The following PDE6A variants were observed in gnomAD, a reference collection of about 807,000 sequenced individuals.
PDE6A encodes the protein rod cGMP-specific 3',5'-cyclic phosphodiesterase subunit alpha.
A neutral mutation model predicts 106.3 loss-of-function variants in PDE6A; 84 were observed. The ratio of observed to expected loss-of-function variants is 0.79; its 90% CI spans 0.66 to 0.95. The LOEUF (loss-of-function observed/expected upper bound fraction) is 0.95. PDE6A is among the 40% of genes least tolerant of loss of function. The pLI, the probability that PDE6A is intolerant of heterozygous loss-of-function variation, is 0.00. For missense variants in PDE6A, 1,052 were observed against 1,084.9 expected, an observed-to-expected ratio of 0.97 and a Z score of 0.43; for synonymous variants, 394 against 386.6, an observed-to-expected ratio of 1.02 and a Z score of -0.23.
intron 8 of PDE6A, among the ~76,000 whole-genome samples, chr5:149,903,086 C>T (rs1052202318): frequency 1.5e-5 from 2 of 137,492 alleles, no homozygotes; most frequent in African/African-American, 5.4e-5. Context: ...GAGGTTGAGG[C>T]TGCAATGAGC....
At chr5:149,871,293 G>A (rs1457706645) in intron 17 of PDE6A, among the ~76,000 whole-genome samples, 1 of 152,206 alleles carries the variant, frequency 6.6e-6, no homozygotes, top group Non-Finnish European at 1.5e-5. Flanking sequence ...TGCTCTCAGA[G>A]ATCTTGCAGA....
intron 17 of PDE6A, among the ~76,000 whole-genome samples, chr5:149,881,548 A>G (rs1382284782): frequency 6.6e-6 from 1 of 152,176 alleles, no homozygotes; most frequent in African/African-American, 2.4e-5. Context: ...TAAACATTAC[A>G]TATACATGGA....
In PDE6A at chr5:149,884,791, G is replaced by T; in HGVS notation, c.1915C>A (p.Leu639Ile). The change falls in exon 15 of 22, where the codon CTC (leucine) becomes ATC (isoleucine). Residue 639 changes from leucine (L) to isoleucine (I), a missense_variant. Physicochemically the swap from Leu to Ile is conservative, Grantham distance 5. Around this residue, in one of 3 missense-constraint regions of PDE6A, gnomAD observed 913 missense variants for 915.2 expected, o/e 1.00. Coordinates refer to ENST00000255266, the MANE Select transcript of PDE6A (RefSeq NM_000440.3). The part of the protein sequence containing the change: ...RHHLEFGKTL[L>I]RDESLNIFQN... ...GGCCCTCATCCTACCTCGTCTCTGAGCAGTGTTTTGCCAAACTCCAAGTGG... is the reference window on the plus strand; with the variant it reads ...GGCCCTCATCCTACCTCGTCTCTGATCAGTGTTTTGCCAAACTCCAAGTGG... 6.2e-7 allele frequency: 1 copy of T among 1,613,994 alleles called. No homozygotes were observed. Among genetic ancestry groups the T allele is most frequent in the Non-Finnish European group, 8.5e-7 (1 of 1,179,884 alleles).
intron 15 of PDE6A, 91 bp from the exon 16 acceptor site, chr5:149,884,670 G>A (rs1752211984): frequency 7.1e-7 from 1 of 1,417,886 alleles, no homozygotes; most frequent in Admixed American, 1.7e-5. Flanking sequence ...TGATGGCAGA[G>A]GCAGCCCAGG....
At chr5:149,884,365 T>G in intron 16 of PDE6A, 114 bp downstream of exon 16, 2 of 704,598 alleles carry the variant, frequency 2.8e-6, no homozygotes, top group Non-Finnish European at 5.1e-6. Flanking sequence ...TGTGTATATA[T>G]GTATATATGT....
At chr5:149,910,676 G>A (rs1201659868) in intron 6 of PDE6A, among the ~76,000 whole-genome samples, 1 of 152,058 alleles carries the variant, frequency 6.6e-6, no homozygotes, top group Non-Finnish European at 1.5e-5. Flanking sequence ...CAATATGAAT[G>A]GTGGGAAATG....
intron 20 of PDE6A, among the ~76,000 whole-genome samples, chr5:149,864,440 C>T (rs1760252785): frequency 6.6e-6 from 1 of 152,030 alleles, no homozygotes; most frequent in Admixed American, 6.5e-5. Flanking sequence ...TGGGGTTTCA[C>T]CATTTTGGTC....
At position 149,858,816 on chromosome 5, in the gene PDE6A, C is replaced by CTTTTTTTTTTTTTTTTTTTTTTTTTTT. The variant is rs764134058; in HGVS notation, c.*2078_*2079insAAAAAAAAAAAAAAAAAAAAAAAAAAA. The CTTTTTTTTTTTTTTTTTTTTTTTTTTT allele has an allele frequency of 1.3e-5, 1 of 79,148 alleles. No individual in the cohort carries two copies. Among genetic ancestry groups the CTTTTTTTTTTTTTTTTTTTTTTTTTTT allele is most frequent in the African/African-American group, 5.2e-5 (1 of 19,388 alleles). The allele number at this position is 79,148 out of a possible 1,614,324, so 4.9% of individuals were successfully genotyped here. On this transcript the variant is annotated 3_prime_UTR_variant, in exon 22 of 22. Transcript: ENST00000255266. The stretch of plus-strand genomic sequence containing the variant: ...AAGAGAGAAATTCTATCTGCCACAT[C>CTTTTTTTTTTTTTTTTTTTTTTTTTTT]TTTTTTTTTTCTTTTTTTTTTTTTT...
intron 4 of PDE6A, among the ~76,000 whole-genome samples, chr5:149,930,054 G>T (rs1753986959): frequency 6.6e-6 from 1 of 152,118 alleles, no homozygotes; most frequent in South Asian, 2.1e-4. Context: ...GAGCCACTGT[G>T]CCAGGCCTAT....
intron 7 of PDE6A, among the ~76,000 whole-genome samples, chr5:149,903,963 C>T (rs1281840193): frequency 6.6e-6 from 1 of 152,234 alleles, no homozygotes; most frequent in African/African-American, 2.4e-5. Flanking sequence ...TTTGTCATTA[C>T]TAGTAGCTGG....
intron 17 of PDE6A, among the ~76,000 whole-genome samples, chr5:149,869,397 TAA>T (rs1760453814): frequency 6.8e-6 from 1 of 147,456 alleles, no homozygotes; most frequent in South Asian, 2.2e-4. Context: ...AGTTCAAAGG[TAA>T]ACTCTTAAGG....
intron 8 of PDE6A, among the ~76,000 whole-genome samples, chr5:149,900,366 AATATATATGT>A (rs1210729288): frequency 6.0e-3 from 77 of 12,796 alleles, no homozygotes; most frequent in African/African-American, 0.014. Flanking sequence ...CATCTCGAAA[AATATATATGT>A]ATATATATAT....
chr5:149,903,702 G>A lies in PDE6A; in HGVS notation c.1066-7C>T. ...CATTCATGATGTTGCAAATCTGAGA[G>A]CAGTGAAGGGGAATAATGAAGGTGT... is the stretch of plus-strand genomic sequence containing the variant. On this transcript the variant is annotated splice_polypyrimidine_tract_variant and splice_region_variant and intron_variant, in intron 7 of 21. Coordinates refer to ENST00000255266, the MANE Select transcript of PDE6A (RefSeq NM_000440.3). 1 of 1,612,656 alleles carries A rather than the reference G, an allele frequency of 6.2e-7. No homozygotes were observed. Among genetic ancestry groups the A allele is most frequent in the Non-Finnish European group, 8.5e-7 (1 of 1,178,662 alleles).
Position 149,896,359 on chromosome 5 carries a change from T to C in PDE6A, c.1617A>G (p.Gln539=), listed in dbSNP as rs756219688. 1.2e-6 allele frequency: 2 copies of C among 1,612,742 alleles called. No homozygotes were observed. The highest frequency in any genetic ancestry group is 1.7e-6 in the Non-Finnish European group (2 of 1,178,770). Residue 539 remains glutamine (Q), a synonymous_variant, in exon 12 of 22, where the codon CAA becomes CAG. Coordinates refer to ENST00000255266, the MANE Select transcript of PDE6A (RefSeq NM_000440.3). Reference sequence around the variant, plus strand: ...TATATATTTGTTTTGACCTCACCTCTTGTGGAATGTGAAATTTATCCACCA... The same window carrying C: ...TATATATTTGTTTTGACCTCACCTCCTGTGGAATGTGAAATTTATCCACCA... The part of the protein sequence containing the change: ...LKVVDKFHIP[Q]EALVRFMYSL...
chr5:149,883,655 G>T, intron 16 of PDE6A, 119 bp from the exon 17 acceptor site: 1 of 761,772 alleles, frequency 1.3e-6, no homozygotes, highest in Non-Finnish European at 2.3e-6. Flanking sequence ...ACAAAACAAG[G>T]TTGAAAGAGC....
intron 3 of PDE6A, among the ~76,000 whole-genome samples, chr5:149,933,589 G>T (rs1358685526): frequency 6.6e-6 from 1 of 152,162 alleles, no homozygotes. Context: ...GCATTATCTC[G>T]TTTACTATTG....
intron 8 of PDE6A, 150 bp downstream of exon 8, chr5:149,903,498 A>G: frequency 1.4e-6 from 1 of 695,440 alleles, no homozygotes; most frequent in South Asian, 1.6e-5. Context: ...CTCTGTCCCC[A>G]TTTCCATTGG....
intron 1 of PDE6A, among the ~76,000 whole-genome samples, chr5:149,942,067 T>A (rs1174589815): frequency 6.6e-6 from 1 of 152,072 alleles, no homozygotes; most frequent in African/African-American, 2.4e-5. Context: ...GCTCAAGTGA[T>A]GCTCCCATCT....
chr5:149,907,025 GC>G (rs1235364321), intron 7 of PDE6A, among the ~76,000 whole-genome samples: 3 of 152,098 alleles, frequency 2.0e-5, no homozygotes, highest in Non-Finnish European at 2.9e-5. Context: ...ACCTGCCTCG[GC>G]CCCCCAAAGT....
Sources: allele counts gnomAD v4.1 joint callset (sites outside exome capture counted in the v4.1 genomes callset), GRCh38; gene constraint gnomAD v4.1.1; regional missense constraint gnomAD v4.1.1; transcripts MANE v1.5; gene names NCBI Gene and HGNC (gene_info 2026-07-23, HGNC 2026-07-21).